Variants in LAMC1 observed in about 807,000 individuals in gnomAD.
LAMC1 encodes laminin subunit gamma-1.
A neutral mutation model predicts 173.6 loss-of-function variants in LAMC1; 38 were observed. The ratio of observed to expected loss-of-function variants is 0.22; its 90% CI spans 0.17 to 0.29. LAMC1 has a LOEUF of 0.29. LAMC1 is among the 10% of genes least tolerant of loss of function. The pLI is 1.00. For synonymous variants in LAMC1, 746 were observed against 749.1 expected, an observed-to-expected ratio of 1.00 and a Z score of 0.07; for missense variants, 1,824 against 2,051.8, an observed-to-expected ratio of 0.89 and a Z score of 2.14.
intron 24 of LAMC1, 129 bp downstream of exon 24, chr1:183,135,285 A>G: frequency 1.6e-6 from 1 of 641,002 alleles, no homozygotes; most frequent in South Asian, 2.0e-5. Flanking sequence ...AAAGTATTTC[A>G]AAGGGAAATC....
At chr1:183,042,350 G>A (rs1179687887) in intron 1 of LAMC1, among the ~76,000 whole-genome samples, 1 of 152,104 alleles carries the variant, frequency 6.6e-6, no homozygotes, top group Non-Finnish European at 1.5e-5. Context: ...TCCCCAAAGT[G>A]CCATAACACC....
chr1:183,140,547 G>T, intron 27 of LAMC1, 44 bp downstream of exon 27: 2 of 1,320,302 alleles, frequency 1.5e-6, no homozygotes, highest in Non-Finnish European at 2.2e-6. Context: ...TGAATCTTTT[G>T]TACTGTTCTT....
chr1:183,063,639 G>A (rs1654795085), intron 1 of LAMC1, among the ~76,000 whole-genome samples: 1 of 152,162 alleles, frequency 6.6e-6, no homozygotes, highest in Admixed American at 6.5e-5. Context: ...ACACTGTAAT[G>A]TCTTATAAAT....
chr1:183,117,210 T>C, intron 8 of LAMC1, 110 bp from the exon 9 acceptor site: 1 of 1,166,806 alleles, frequency 8.6e-7, no homozygotes, highest in Non-Finnish European at 1.2e-6. Flanking sequence ...GGTTTATTGA[T>C]GCCTTTCTGT....
intron 17 of LAMC1, among the ~76,000 whole-genome samples, chr1:183,127,799 TGTTCTGTTTTTTAAGACG>T (rs1420459064): frequency 6.6e-6 from 1 of 152,014 alleles, no homozygotes; most frequent in Non-Finnish European, 1.5e-5. Flanking sequence ...GCAGAGGGTG[TGTTCTGTTTTTTAAGACG>T]GGAGAGGTTG....
chr1:183,137,682 C>A lies in LAMC1; in HGVS notation c.4328C>A (p.Thr1443Asn). 6.3e-7 allele frequency: 1 copy of A among 1,590,500 alleles called. No homozygotes were observed. Among genetic ancestry groups the A allele is most frequent in the Non-Finnish European group, 8.6e-7 (1 of 1,169,110 alleles). The change falls in exon 26 of 28, where the codon ACC becomes AAC. Residue 1443 changes from threonine to asparagine, a missense_variant. Thr to Asn is a moderately conservative substitution (Grantham distance 65, BLOSUM62 0). Coordinates refer to ENST00000258341, the MANE Select transcript of LAMC1 (RefSeq NM_002293.4). ...ASAVQKNATS[T>N]KAEAERTFAE... ...TTTTGTGCCTAGAATGCCACCAGCA[C>A]CAAGGCAGAAGCTGAAAGAACTTTT...
chr1:183,094,373 T>G (rs1655641388), intron 1 of LAMC1, among the ~76,000 whole-genome samples: 1 of 152,246 alleles, frequency 6.6e-6, no homozygotes, highest in Non-Finnish European at 1.5e-5. Context: ...AAACTTTCTA[T>G]TCCCACTTCG....
intron 24 of LAMC1, among the ~76,000 whole-genome samples, chr1:183,135,645 GAGGA>G (rs1190296531): frequency 6.6e-6 from 1 of 152,070 alleles, no homozygotes; most frequent in Non-Finnish European, 1.5e-5. Flanking sequence ...AACACTTCGG[GAGGA>G]AGGATCACTG....
intron 21 of LAMC1, among the ~76,000 whole-genome samples, chr1:183,133,186 C>G (rs971816108): frequency 2.6e-5 from 4 of 152,180 alleles, no homozygotes; most frequent in African/African-American, 9.7e-5. Context: ...GCTGGGATTA[C>G]AGGCGTGAGC....
intron 1 of LAMC1, among the ~76,000 whole-genome samples, chr1:183,046,825 T>C (rs1201093195): frequency 6.6e-6 from 1 of 152,092 alleles, no homozygotes; most frequent in Non-Finnish European, 1.5e-5. Context: ...ACAGAATACA[T>C]TTAAAAAAAT....
intron 3 of LAMC1, among the ~76,000 whole-genome samples, chr1:183,109,162 C>T (rs1656071542): frequency 6.6e-6 from 1 of 152,158 alleles, no homozygotes; most frequent in African/African-American, 2.4e-5. Context: ...ATCCCAAAAG[C>T]AGAAAACTTA....
chr1:183,105,132 G>A (rs2102070912), intron 2 of LAMC1, among the ~76,000 whole-genome samples: 1 of 149,898 alleles, frequency 6.7e-6, no homozygotes, highest in East Asian at 2.0e-4. Context: ...GGCTGAGGCG[G>A]GAGAATCACT....
At chr1:183,137,906 G>T (rs1370298798) in intron 26 of LAMC1, 79 bp downstream of exon 26, 10 of 1,270,412 alleles carry the variant, frequency 7.9e-6, no homozygotes, top group Non-Finnish European at 1.1e-5. Context: ...TTGTTGAGAA[G>T]AGTCTTTTTT....
At position 183,115,533 on chromosome 1, in the gene LAMC1, A is replaced by G. The variant is rs771444828; in HGVS notation, c.1224A>G (p.Thr408=). The G allele has an allele frequency of 1.7e-5, 27 of 1,613,346 alleles. No individual in the cohort carries two copies. Among genetic ancestry groups the G allele is most frequent in the Non-Finnish European group, 2.3e-5 (27 of 1,179,324 alleles). Residue 408 remains threonine (T), a synonymous_variant, in exon 6 of 28, where the codon ACA becomes ACG. Coordinates refer to ENST00000258341, the MANE Select transcript of LAMC1 (RefSeq NM_002293.4). ...CHCSPVGSLS[T]QCDSYGRCSC... Reference sequence around the variant, plus strand: ...TTTACATTTTAGGCTCTCTAAGCACACAGTGTGATAGTTACGGCAGATGCA... The same window carrying G: ...TTTACATTTTAGGCTCTCTAAGCACGCAGTGTGATAGTTACGGCAGATGCA...
At position 183,135,117 on chromosome 1, in the gene LAMC1, A is replaced by G. The variant is rs1289680693; in HGVS notation, c.4075A>G (p.Thr1359Ala). ...AEEAAKKGRDTLQEANDILNN... is the reference protein window; with the variant it reads ...AEEAAKKGRDALQEANDILNN... ...AGAAGCTGCAAAGAAGGGACGGGAT[A>G]CCTTACAAGAAGCTAATGACATTCT... is the stretch of plus-strand genomic sequence containing the variant. The change falls in exon 24 of 28, where the codon ACC becomes GCC. Residue 1359 changes from threonine (T) to alanine (A), a missense_variant. By Grantham distance (58) the Thr-to-Ala change is moderately conservative. Coordinates refer to ENST00000258341, the MANE Select transcript of LAMC1 (RefSeq NM_002293.4). 1.9e-6 allele frequency: 3 copies of G among 1,613,922 alleles called. No individual in the cohort carries two copies. Among genetic ancestry groups the G allele is most frequent in the Non-Finnish European group, 2.5e-6 (3 of 1,179,822 alleles).
intron 1 of LAMC1, among the ~76,000 whole-genome samples, chr1:183,094,625 G>T (rs1030633608): frequency 6.6e-6 from 1 of 152,196 alleles, no homozygotes; most frequent in African/African-American, 2.4e-5. Flanking sequence ...TGTTAACCTT[G>T]ACCTAATGGG....
intron 1 of LAMC1, among the ~76,000 whole-genome samples, chr1:183,037,542 G>C (rs2102012182): frequency 6.6e-6 from 1 of 152,264 alleles, no homozygotes; most frequent in East Asian, 1.9e-4. Context: ...TGTAGTCCCA[G>C]GAGCTTTCTT....
intron 1 of LAMC1, among the ~76,000 whole-genome samples, chr1:183,057,527 G>A (rs1214759949): frequency 6.6e-6 from 1 of 152,180 alleles, no homozygotes; most frequent in Admixed American, 6.5e-5. Context: ...TTGGGAGCCC[G>A]AGGTGGGTGG....
intron 1 of LAMC1, among the ~76,000 whole-genome samples, chr1:183,049,503 G>C (rs149311956): frequency 6.7e-6 from 1 of 148,980 alleles, no homozygotes; most frequent in African/African-American, 2.5e-5. Context: ...TAGCTCTGTC[G>C]CCCAGGCTGA....
Sources: allele counts gnomAD v4.1 joint callset (sites outside exome capture counted in the v4.1 genomes callset), GRCh38; gene constraint gnomAD v4.1.1; transcripts MANE v1.5; gene names NCBI Gene and HGNC (gene_info 2026-07-23, HGNC 2026-07-21).